Variants in SLC9A9 observed in about 807,000 individuals in gnomAD.
The protein encoded by SLC9A9 is solute carrier family 9 member A9.
SLC9A9 carries 62 observed loss-of-function variants against 77.8 expected under a neutral mutation model. The ratio of observed to expected loss-of-function variants is 0.80; its 90% CI spans 0.65 to 0.98. SLC9A9 has a LOEUF of 0.98. Ranked by LOEUF, SLC9A9 falls within the 50% of genes least tolerant of loss-of-function variation. The pLI is 0.00. For synonymous variants in SLC9A9, 320 were observed against 283.5 expected, an observed-to-expected ratio of 1.13 and a Z score of -1.29; for missense variants, 775 against 774.9, an observed-to-expected ratio of 1.00 and a Z score of 0.00.
chr3:143,830,602 A>G (rs1404002271), intron 2 of SLC9A9, among the ~76,000 whole-genome samples: 6 of 152,212 alleles, frequency 3.9e-5, no homozygotes, highest in Non-Finnish European at 5.9e-5. Context: ...AGAGGTGTCA[A>G]CCTGTTTGAA....
chr3:143,391,411 T>TA, intron 12 of SLC9A9, among the ~76,000 whole-genome samples: 1 of 152,084 alleles, frequency 6.6e-6, no homozygotes, highest in South Asian at 2.1e-4. Context: ...GAAGGAAAAC[T>TA]AAAAAACAAA....
intron 14 of SLC9A9, among the ~76,000 whole-genome samples, chr3:143,353,106 T>C (rs879930162): frequency 6.6e-6 from 1 of 152,202 alleles, no homozygotes; most frequent in Non-Finnish European, 1.5e-5. Flanking sequence ...GCCTGAGCTG[T>C]TTCCTTGCCA....
intron 1 of SLC9A9, among the ~76,000 whole-genome samples, chr3:143,846,530 T>A (rs914304481): frequency 1.3e-5 from 2 of 152,062 alleles, no homozygotes; most frequent in Admixed American, 1.3e-4. Flanking sequence ...TTTTTTTCTC[T>A]TAAATGAGAG....
At chr3:143,518,713 A>G (rs2036245065) in intron 9 of SLC9A9, among the ~76,000 whole-genome samples, 1 of 152,226 alleles carries the variant, frequency 6.6e-6, no homozygotes, top group Admixed American at 6.5e-5. Flanking sequence ...GGCTATAGTT[A>G]TGATTAACTC....
chr3:143,730,296 C>T (rs1048746924), intron 4 of SLC9A9, among the ~76,000 whole-genome samples: 2 of 152,192 alleles, frequency 1.3e-5, no homozygotes, highest in Non-Finnish European at 2.9e-5. Flanking sequence ...TTCCTCAAAC[C>T]CAACTTCTCC....
At chr3:143,659,269 A>G (rs1337147939) in intron 5 of SLC9A9, among the ~76,000 whole-genome samples, 1 of 152,124 alleles carries the variant, frequency 6.6e-6, no homozygotes, top group Non-Finnish European at 1.5e-5. Context: ...AAAAAAAATC[A>G]AACACCAAAA....
At chr3:143,713,561 T>C (rs1934253922) in intron 4 of SLC9A9, among the ~76,000 whole-genome samples, 1 of 152,180 alleles carries the variant, frequency 6.6e-6, no homozygotes, top group South Asian at 2.1e-4. Context: ...GTCCAAAGAA[T>C]GCAGTAGAAA....
chr3:143,542,648 T>C (rs1385377513), intron 9 of SLC9A9, among the ~76,000 whole-genome samples: 1 of 152,246 alleles, frequency 6.6e-6, no homozygotes, highest in East Asian at 1.9e-4. Context: ...CCTAGACATT[T>C]GCCTTACGCA....
intron 11 of SLC9A9, among the ~76,000 whole-genome samples, chr3:143,469,432 G>C (rs2108571265): frequency 6.6e-6 from 1 of 152,174 alleles, no homozygotes; most frequent in East Asian, 1.9e-4. Context: ...TTTGTTGAAA[G>C]GTTTGAATCA....
chr3:143,344,577 A>C (rs2032204183), intron 14 of SLC9A9: 1 of 152,212 alleles, frequency 6.6e-6, no homozygotes, highest in Admixed American at 6.5e-5. Context: ...AATGTAAGAA[A>C]TATATGTCCC....
intron 4 of SLC9A9, among the ~76,000 whole-genome samples, chr3:143,791,231 G>T (rs1310957506): frequency 6.6e-6 from 1 of 152,098 alleles, no homozygotes; most frequent in Non-Finnish European, 1.5e-5. Flanking sequence ...AATAAAAAAA[G>T]GTTTCTTCAA....
intron 6 of SLC9A9, among the ~76,000 whole-genome samples, chr3:143,630,708 A>T (rs554365477): frequency 6.6e-6 from 1 of 152,302 alleles, no homozygotes; most frequent in South Asian, 2.1e-4. Context: ...GATCATTTGA[A>T]AAAATTTAAA....
intron 8 of SLC9A9, among the ~76,000 whole-genome samples, chr3:143,571,013 A>G (rs2037248769): frequency 6.6e-6 from 1 of 152,164 alleles, no homozygotes; most frequent in African/African-American, 2.4e-5. Flanking sequence ...TTTTTTTCAA[A>G]TAGAATTGTA....
At chr3:143,773,217 TA>T (rs1325083511) in intron 4 of SLC9A9, among the ~76,000 whole-genome samples, 2 of 152,168 alleles carry the variant, frequency 1.3e-5, no homozygotes, top group Non-Finnish European at 2.9e-5. Context: ...GTAGCATTTG[TA>T]AATGTCCATG....
chr3:143,377,056 C>T (rs2033195170), intron 13 of SLC9A9, among the ~76,000 whole-genome samples: 2 of 152,152 alleles, frequency 1.3e-5, no homozygotes, highest in African/African-American at 2.4e-5. Flanking sequence ...TCATTATTCT[C>T]TTATCTTTGT....
At chr3:143,425,665 T>A (rs2034390615) in intron 12 of SLC9A9, among the ~76,000 whole-genome samples, 1 of 152,212 alleles carries the variant, frequency 6.6e-6, no homozygotes, top group African/African-American at 2.4e-5. Context: ...TGATGCACAC[T>A]TTTCTGGTCC....
intron 6 of SLC9A9, among the ~76,000 whole-genome samples, chr3:143,582,394 T>C (rs537377141): frequency 3.9e-5 from 6 of 152,350 alleles, no homozygotes; most frequent in Non-Finnish European, 7.3e-5. Context: ...AGTACTTATA[T>C]GTACACTCAA....
At chr3:143,387,784 T>TAAAAA (rs34211120) in intron 12 of SLC9A9, among the ~76,000 whole-genome samples, 1 of 147,194 alleles carries the variant, frequency 6.8e-6, no homozygotes, top group African/African-American at 2.5e-5. Context: ...CAACCATAGT[T>TAAAAA]AAAAAAAAAA....
At chr3:143,758,999 T>G (rs1369708335) in intron 4 of SLC9A9, among the ~76,000 whole-genome samples, 1 of 152,182 alleles carries the variant, frequency 6.6e-6, no homozygotes, top group Non-Finnish European at 1.5e-5. Flanking sequence ...CACTGTGCTG[T>G]CAACTTTACA....
Sources: allele counts gnomAD v4.1 joint callset (sites outside exome capture counted in the v4.1 genomes callset), GRCh38; gene constraint gnomAD v4.1.1; transcripts MANE v1.5; gene names NCBI Gene and HGNC (gene_info 2026-07-23, HGNC 2026-07-21).